The following MAGI2 variants were observed in gnomAD, a reference collection of about 807,000 sequenced individuals.
MAGI2 encodes membrane-associated guanylate kinase, WW and PDZ domain-containing protein 2.
MAGI2 carries 35 observed loss-of-function variants against 133.3 expected under a neutral mutation model. The observed-to-expected ratio is 0.26, with a 90% CI of 0.20 to 0.35. The LOEUF is 0.35. Among genes scored for constraint, MAGI2 ranks in the 10% least tolerant of loss-of-function variants. The pLI is 1.00. For synonymous variants in MAGI2, 729 were observed against 710.6 expected (o/e 1.03, Z -0.41); for missense variants, 1,636 against 1,863.4 (o/e 0.88, Z 2.25).
intron 1 of MAGI2, among the ~76,000 whole-genome samples, chr7:79,018,681 C>T (rs915406761): frequency 7.9e-5 from 12 of 152,050 alleles, no homozygotes; most frequent in African/African-American, 2.9e-4. Flanking sequence ...GCCATAGGCT[C>T]AAAGAAAAGG....
At chr7:78,421,371 C>A (rs189440772) in intron 6 of MAGI2, among the ~76,000 whole-genome samples, 1 of 152,156 alleles carries the variant, frequency 6.6e-6, no homozygotes, top group Non-Finnish European at 1.5e-5. Flanking sequence ...AGGTGGTTAA[C>A]AATTATTGTG....
At chr7:78,658,972 T>C (rs575283606) in intron 2 of MAGI2, among the ~76,000 whole-genome samples, 1 of 152,270 alleles carries the variant, frequency 6.6e-6, no homozygotes, top group East Asian at 1.9e-4. Flanking sequence ...TGGGCATTTA[T>C]CCCAGGGAAA....
intron 2 of MAGI2, among the ~76,000 whole-genome samples, chr7:78,909,021 C>A (rs12111707): frequency 6.6e-6 from 1 of 151,390 alleles, no homozygotes; most frequent in Non-Finnish European, 1.5e-5. Context: ...TCAGAGTGAA[C>A]AGGCAACCTA....
At chr7:78,112,068 G>T (rs7788139) in intron 20 of MAGI2, among the ~76,000 whole-genome samples, 1 of 151,776 alleles carries the variant, frequency 6.6e-6, no homozygotes, top group African/African-American at 2.4e-5. Flanking sequence ...ACTTCCTTAG[G>T]TCATTTGTCT....
chr7:78,065,704 T>C, intron 21 of MAGI2: 1 of 601,188 alleles, frequency 1.7e-6, no homozygotes, highest in Non-Finnish European at 2.9e-6. Context: ...ATCATTAGAA[T>C]TAACAGAACC....
chr7:78,998,923 G>T (rs1364196065), intron 2 of MAGI2, among the ~76,000 whole-genome samples: 3 of 152,076 alleles, frequency 2.0e-5, no homozygotes, highest in Non-Finnish European at 2.9e-5. Flanking sequence ...GTCCAGCAAG[G>T]CTATGATTTT....
intron 6 of MAGI2, among the ~76,000 whole-genome samples, chr7:78,393,658 C>T (rs1466221587): frequency 1.3e-5 from 2 of 152,122 alleles, no homozygotes; most frequent in Admixed American, 1.3e-4. Flanking sequence ...GGGATAATGA[C>T]AGTAGGTAGA....
chr7:78,261,685 TA>T (rs1184297218), intron 9 of MAGI2, among the ~76,000 whole-genome samples: 1 of 152,026 alleles, frequency 6.6e-6, no homozygotes, highest in Admixed American at 6.6e-5. Flanking sequence ...AAAAGAAAAA[TA>T]AAAAAACCTG....
rs561466595 is a variant in MAGI2 at position 79,208,355 on chromosome 7, A to T, written c.302-201149T>A. The stretch of plus-strand genomic sequence containing the variant: ...TCAACAGCAAGAAAAGAAACAAACA[A>T]AAAACCAATTACAGAACACCAAGAA... On this transcript the variant is annotated intron_variant, in intron 1 of 21. Transcript: ENST00000354212. 8.2e-4 allele frequency among the ~76,000 whole-genome samples: 124 copies of T among 152,086 alleles called. 3 individuals are homozygous for T. In the South Asian group the frequency reaches 0.024, roughly 30 times the overall value.
At chr7:78,189,361 T>C (rs1453104338) in intron 12 of MAGI2, among the ~76,000 whole-genome samples, 1 of 152,228 alleles carries the variant, frequency 6.6e-6, no homozygotes, top group African/African-American at 2.4e-5. Context: ...TGATCACTTT[T>C]GATTGCTACC....
chr7:79,310,757 C>T (rs1838217855), intron 1 of MAGI2, among the ~76,000 whole-genome samples: 2 of 152,106 alleles, frequency 1.3e-5, no homozygotes. Flanking sequence ...AAATTTATCA[C>T]TATGAGCAAA....
At chr7:79,391,530 T>TAGAC (rs1422284270) in intron 1 of MAGI2, among the ~76,000 whole-genome samples, 3,580 of 91,572 alleles carry the variant, frequency 0.039, 171 homozygotes, top group African/African-American at 0.13. Context: ...TATATATATA[T>TAGAC]ATATATAGAC....
intron 1 of MAGI2, among the ~76,000 whole-genome samples, chr7:79,308,951 T>A (rs1360367784): frequency 6.6e-6 from 1 of 151,450 alleles, no homozygotes; most frequent in African/African-American, 2.4e-5. Context: ...AACATTTTTT[T>A]AAACTTTACC....
At chr7:79,092,447 C>A (rs561672469) in intron 1 of MAGI2, among the ~76,000 whole-genome samples, 4 of 150,902 alleles carry the variant, frequency 2.7e-5, no homozygotes, top group East Asian at 1.9e-4. Flanking sequence ...TTTGAAAGAC[C>A]AAACAAACCT....
chr7:79,273,624 G>T, intron 1 of MAGI2, among the ~76,000 whole-genome samples: 1 of 150,658 alleles, frequency 6.6e-6, no homozygotes, highest in Non-Finnish European at 1.5e-5. Context: ...TTTTTCTTCA[G>T]AGTAAATACA....
rs540745944 is a variant in MAGI2, at chr7:79,204,875, GAAGA to G, written c.302-197673_302-197670del. Among the ~76,000 whole-genome samples the G allele has an allele frequency of 2.0e-5, 3 of 151,964 alleles. No individual in the cohort carries two copies. The South Asian group carries it at 6.2e-4, about 31-fold the overall frequency. On this transcript the variant is annotated intron_variant, in intron 1 of 21. Transcript: ENST00000354212. Reference sequence around the variant, plus strand: ...CATCAATAACAGAATTGACGAAGCAGAAGAAAGAATCTGTGAACTCGAAGACAGG... The same window carrying G: ...CATCAATAACAGAATTGACGAAGCAGAAGAATCTGTGAACTCGAAGACAGG...
chr7:78,340,007 T>C (rs1237190184), intron 9 of MAGI2, among the ~76,000 whole-genome samples: 1 of 152,204 alleles, frequency 6.6e-6, no homozygotes, highest in Non-Finnish European at 1.5e-5. Flanking sequence ...AAATGTCAGA[T>C]GAATACCTCA....
chr7:78,315,561 A>G (rs798292), intron 9 of MAGI2, among the ~76,000 whole-genome samples: 43,413 of 151,984 alleles, frequency 0.29, 6,552 homozygotes, highest in African/African-American at 0.36. Flanking sequence ...GCATACACCC[A>G]TCAATAATTA....
intron 1 of MAGI2, among the ~76,000 whole-genome samples, chr7:79,278,233 A>G (rs1918938): frequency 0.61 from 91,943 of 151,922 alleles, 29,480 homozygotes; most frequent in Non-Finnish European, 0.7. Context: ...CTTGCCATGT[A>G]ATGGGCCTGC....
Sources: gnomAD v4.1 joint callset for allele counts (sites outside exome capture counted in the v4.1 genomes callset) on GRCh38, gnomAD v4.1.1 for gene constraint, MANE v1.5 for transcripts, NCBI Gene and HGNC (gene_info 2026-07-23, HGNC 2026-07-21) for gene names.